The following STK39 variants were observed in gnomAD, a reference collection of about 807,000 sequenced individuals.
STK39 encodes STE20/SPS1-related proline-alanine-rich protein kinase.
STK39 carries 20 observed loss-of-function variants against 77.8 expected under a neutral mutation model. The observed-to-expected ratio is 0.26, with a 90% CI of 0.18 to 0.37. The LOEUF is 0.37. Among genes scored for constraint, STK39 ranks in the 10% least tolerant of loss-of-function variants. The pLI, the probability that STK39 is intolerant of heterozygous loss-of-function variation, is 1.00. For synonymous variants in STK39, 246 were observed against 234.1 expected (o/e 1.05, Z -0.47); for missense variants, 479 against 656.5 (o/e 0.73, Z 2.95).
At chr2:168,182,362 T>C (rs1689102679) in intron 1 of STK39, among the ~76,000 whole-genome samples, 1 of 152,166 alleles carries the variant, frequency 6.6e-6, no homozygotes, top group South Asian at 2.1e-4. Context: ...ATGAAAGCCA[T>C]TTCCATCCTC....
At chr2:167,967,572 T>C (rs1692192613) in intron 16 of STK39, among the ~76,000 whole-genome samples, 1 of 152,210 alleles carries the variant, frequency 6.6e-6, no homozygotes, top group Non-Finnish European at 1.5e-5. Flanking sequence ...TATTGTTCTT[T>C]ATGAAACTGT....
At chr2:168,135,986 G>A (rs1245249035) in intron 8 of STK39, among the ~76,000 whole-genome samples, 6 of 58,598 alleles carry the variant, frequency 1.0e-4, no homozygotes, top group Admixed American at 1.0e-3. Flanking sequence ...TCTTCTAAAG[G>A]ATTTTTTTTT....
intron 10 of STK39, among the ~76,000 whole-genome samples, chr2:168,125,450 G>T (rs1687516968): frequency 6.6e-6 from 1 of 151,890 alleles, no homozygotes; most frequent in South Asian, 2.1e-4. Context: ...GTGAAAACTT[G>T]AAAAAAAAGT....
chr2:168,003,941 T>A (rs1559052765), intron 16 of STK39, among the ~76,000 whole-genome samples: 1 of 152,226 alleles, frequency 6.6e-6, no homozygotes, highest in Non-Finnish European at 1.5e-5. Flanking sequence ...GTTCACTGTT[T>A]TCCAAGACTT....
intron 10 of STK39, among the ~76,000 whole-genome samples, chr2:168,109,069 G>C (rs1162479370): frequency 2.6e-5 from 4 of 152,180 alleles, no homozygotes; most frequent in Non-Finnish European, 5.9e-5. Flanking sequence ...CTACTGAACA[G>C]AGTGTCATGA....
chr2:167,988,584 T>C lies in STK39; in HGVS notation c.1499-23858A>G, dbSNP rs141881745. Among the ~76,000 whole-genome samples the C allele has an allele frequency of 4.2e-3, 633 of 152,150 alleles. 8 individuals carry two copies. The highest frequency in any genetic ancestry group is 0.014 in the African/African-American group (597 of 41,474). On this transcript the variant is annotated intron_variant, in intron 16 of 17. Transcript: ENST00000355999. ...GATTATTTTGTTGTGGATGCTTCCA[T>C]GTCTTTTATCCTGCTTTAAGAAAAA... is the stretch of plus-strand genomic sequence containing the variant.
At chr2:167,975,543 C>T (rs887115061) in intron 16 of STK39, among the ~76,000 whole-genome samples, 15 of 152,144 alleles carry the variant, frequency 9.9e-5, no homozygotes, top group East Asian at 9.6e-4. Context: ...AGGCCGGGCA[C>T]GGTGGCTCAC....
chr2:168,118,943 C>T (rs947564322), intron 10 of STK39, among the ~76,000 whole-genome samples: 1 of 152,270 alleles, frequency 6.6e-6, no homozygotes, highest in East Asian at 1.9e-4. Context: ...GTGAAAACAC[C>T]AATGAGCTCA....
At chr2:168,120,953 G>A (rs576464033) in intron 10 of STK39, among the ~76,000 whole-genome samples, 55 of 151,004 alleles carry the variant, frequency 3.6e-4, no homozygotes, top group African/African-American at 1.3e-3. Flanking sequence ...AATGATGCCT[G>A]CAGCATCTCC....
At chr2:168,110,106 T>C (rs1687082828) in intron 10 of STK39, among the ~76,000 whole-genome samples, 1 of 152,262 alleles carries the variant, frequency 6.6e-6, no homozygotes, top group Non-Finnish European at 1.5e-5. Flanking sequence ...TAAAAATATC[T>C]GAGCTCCAAA....
At chr2:168,001,679 G>A (rs1465269573) in intron 16 of STK39, among the ~76,000 whole-genome samples, 1 of 152,100 alleles carries the variant, frequency 6.6e-6, no homozygotes, top group Non-Finnish European at 1.5e-5. Context: ...AGCAAACAAG[G>A]AGCGGTATTA....
chr2:168,168,511 T>C (rs1688742582), intron 2 of STK39, among the ~76,000 whole-genome samples: 1 of 152,168 alleles, frequency 6.6e-6, no homozygotes, highest in South Asian at 2.1e-4. Context: ...TATGAATATA[T>C]TCAATAATAA....
chr2:168,213,743 T>C (rs1361235269), intron 1 of STK39, among the ~76,000 whole-genome samples: 3 of 151,440 alleles, frequency 2.0e-5, no homozygotes, highest in Admixed American at 1.3e-4. Flanking sequence ...TGTGAAAAAC[T>C]GCATAGAGCA....
At chr2:168,209,106 G>C (rs1042172181) in intron 1 of STK39, among the ~76,000 whole-genome samples, 1 of 151,904 alleles carries the variant, frequency 6.6e-6, no homozygotes, top group Non-Finnish European at 1.5e-5. Flanking sequence ...ACAAACCTTC[G>C]ATTTTGGTTA....
At chr2:168,061,733 T>C (rs76278417) in intron 14 of STK39, among the ~76,000 whole-genome samples, 1,638 of 152,310 alleles carry the variant, frequency 0.011, 36 homozygotes, top group African/African-American at 0.038. Context: ...AAGATTCTTA[T>C]AGTATTTTGT....
chr2:167,990,113 T>C (rs901051656), intron 16 of STK39, among the ~76,000 whole-genome samples: 1 of 151,778 alleles, frequency 6.6e-6, no homozygotes, highest in Non-Finnish European at 1.5e-5. Context: ...AAGAAGTTCA[T>C]GACACAGGTA....
At chr2:168,181,642 T>A (rs1393065228) in intron 2 of STK39, among the ~76,000 whole-genome samples, 5 of 152,082 alleles carry the variant, frequency 3.3e-5, no homozygotes, top group Admixed American at 1.3e-4. Flanking sequence ...AAGCTCACCA[T>A]CCAAAACTGC....
intron 12 of STK39, among the ~76,000 whole-genome samples, chr2:168,073,805 A>G (rs1356330416): frequency 1.3e-5 from 2 of 151,996 alleles, no homozygotes; most frequent in Non-Finnish European, 2.9e-5. Context: ...TTTAGTAGAG[A>G]CGGGGTTTCG....
rs200725506 is a variant in STK39 at position 168,219,869 on chromosome 2, CTTT to C, written c.208+27356_208+27358del. On this transcript the variant is annotated intron_variant, in intron 1 of 17. Transcript: ENST00000355999. ...AAGTTCCTTTAACCTACTTTTCTTG[CTTT>C]TTTTTTTTTTTTTGCAAATTTTGAT... Among the ~76,000 whole-genome samples the C allele has an allele frequency of 9.2e-5, 8 of 86,618 alleles. No individual in the cohort carries two copies. In the South Asian group the frequency reaches 9.8e-4, roughly 11 times the overall value. 56.8% of individuals were successfully genotyped at this position (86,618 alleles called of 152,430 possible). A position where few individuals can be genotyped will look rare whatever the true frequency, so the allele number is the denominator to read the frequency against.
Sources: gnomAD v4.1 joint callset for allele counts (sites outside exome capture counted in the v4.1 genomes callset) on GRCh38, gnomAD v4.1.1 for gene constraint, MANE v1.5 for transcripts, NCBI Gene and HGNC (gene_info 2026-07-23, HGNC 2026-07-21) for gene names.